Variants in NPFFR1 observed in about 807,000 individuals in gnomAD.
The protein encoded by NPFFR1 is G-protein coupled receptor 147.
Under a neutral mutation model 12.7 loss-of-function variants are expected in NPFFR1, and 17 were observed. The ratio of observed to expected loss-of-function variants is 1.34; its 90% CI spans 0.92 to 2.01. The LOEUF (loss-of-function observed/expected upper bound fraction) is 2.01. NPFFR1 is among the 30% of genes most tolerant of loss of function. NPFFR1 has a pLI of 0.00. For missense variants in NPFFR1, 604 were observed against 606.5 expected, an observed-to-expected ratio of 1.00 and a Z score of 0.04; for synonymous variants, 296 against 264.5, an observed-to-expected ratio of 1.12 and a Z score of -1.16.
At chr10:70,272,716 A>G (rs1840763199) in intron 1 of NPFFR1, among the ~76,000 whole-genome samples, 1 of 152,162 alleles carries the variant, frequency 6.6e-6, no homozygotes, top group Non-Finnish European at 1.5e-5. Context: ...GGAGGGGTGC[A>G]GGGTGAGGGG....
At position 70,250,050 on chromosome 10, in the gene NPFFR1, A is replaced by G. The variant is rs1010308460; in HGVS notation, c.*4907T>C. The G allele has an allele frequency of 2.6e-5, 4 of 151,882 alleles. No individual in the cohort carries two copies. The highest frequency in any genetic ancestry group is 6.6e-5 in the Admixed American group (1 of 15,222). The allele number at this position is 151,882 out of a possible 1,614,324, so 9.4% of individuals were successfully genotyped here. The stretch of plus-strand genomic sequence containing the variant: ...CTCAGCCTCCCAAGTAGCTGGGACT[A>G]CAGGTGTGTGCCACCATGCCTGGCT... On this transcript the variant is annotated 3_prime_UTR_variant, in exon 4 of 4. Transcript: ENST00000277942.
chr10:70,278,902 CA>C, intron 1 of NPFFR1, among the ~76,000 whole-genome samples: 1 of 152,292 alleles, frequency 6.6e-6, no homozygotes, highest in Admixed American at 6.5e-5. Context: ...GTCTTATGAA[CA>C]GTTGCTCCAA....
intron 2 of NPFFR1, among the ~76,000 whole-genome samples, chr10:70,264,932 G>A (rs1410265108): frequency 6.6e-6 from 1 of 152,248 alleles, no homozygotes; most frequent in African/African-American, 2.4e-5. Flanking sequence ...TTATATCACT[G>A]TTGACTGGTA....
At chr10:70,280,745 T>C (rs564075568) in intron 1 of NPFFR1, among the ~76,000 whole-genome samples, 2 of 152,324 alleles carry the variant, frequency 1.3e-5, no homozygotes, top group East Asian at 3.9e-4. Flanking sequence ...GGCTCACACC[T>C]GTAATCCCAG....
In NPFFR1 at chr10:70,250,912, T is replaced by C. The variant is rs963122170; in HGVS notation, c.*4045A>G. 6.6e-6 allele frequency: 1 copy of C among 152,230 alleles called. No homozygotes were observed. Among genetic ancestry groups the C allele is most frequent in the Non-Finnish European group, 1.5e-5 (1 of 68,038 alleles). 9.4% of individuals were successfully genotyped at this position (152,230 alleles called of 1,614,324 possible). A position where few individuals can be genotyped will look rare whatever the true frequency, so the allele number is the denominator to read the frequency against. On this transcript the variant is annotated 3_prime_UTR_variant, in exon 4 of 4. Transcript: ENST00000277942. The stretch of plus-strand genomic sequence containing the variant: ...AATGTTAAATATATTGAGAGATATA[T>C]GCACAGAAAAGGACGCTATACTTGT...
Position 70,260,780 on chromosome 10 carries a change from G to A in NPFFR1, c.323-41C>T, listed in dbSNP as rs185061769. On this transcript the variant is annotated intron_variant, in intron 2 of 3. Coordinates refer to ENST00000277942, the MANE Select transcript of NPFFR1 (RefSeq NM_022146.5). ...CCCCCACAGAGTGAGAGATGCCCAC[G>A]CATCAAGAGCCAGAGACTGAAAGCC... 1.6e-4 allele frequency: 236 copies of A among 1,515,536 alleles called. 2 individuals are homozygous for A. In the South Asian group the frequency reaches 2.5e-3, roughly 16 times the overall value. The allele number at this position is 1,515,536 out of a possible 1,614,324, so 93.9% of individuals were successfully genotyped here.
intron 2 of NPFFR1, among the ~76,000 whole-genome samples, chr10:70,265,661 G>T (rs959217141): frequency 6.6e-6 from 1 of 152,240 alleles, no homozygotes; most frequent in African/African-American, 2.4e-5. Context: ...CCGTGAGAGA[G>T]TGGGACTGAA....
intron 1 of NPFFR1, among the ~76,000 whole-genome samples, chr10:70,267,186 G>C (rs1286032793): frequency 1.3e-5 from 2 of 152,266 alleles, no homozygotes; most frequent in South Asian, 4.1e-4. Context: ...GAAGGCAGTA[G>C]AGAAAGGGAG....
intron 1 of NPFFR1, among the ~76,000 whole-genome samples, chr10:70,270,617 T>C (rs1406560879): frequency 6.6e-6 from 1 of 152,222 alleles, no homozygotes; most frequent in Non-Finnish European, 1.5e-5. Flanking sequence ...AGGGCCCAGA[T>C]TCCAGCACTG....
rs1356920645 is a variant in NPFFR1, at chr10:70,249,539, G to A, written c.*5418C>T. On this transcript the variant is annotated 3_prime_UTR_variant, in exon 4 of 4. Coordinates refer to ENST00000277942, the MANE Select transcript of NPFFR1 (RefSeq NM_022146.5). ...ACTCTGTCACCTAGGCTGGAGTGCA[G>A]TGGCGCCATCTTGGCTCACTGAAAC... 6.6e-6 allele frequency: 1 copy of A among 152,108 alleles called. No homozygotes were observed. The highest frequency in any genetic ancestry group is 2.4e-5 in the African/African-American group (1 of 41,498). 9.4% of individuals were successfully genotyped at this position (152,108 alleles called of 1,614,324 possible). A position where few individuals can be genotyped will look rare whatever the true frequency, so the allele number is the denominator to read the frequency against.
chr10:70,258,513 T>C lies in NPFFR1; in HGVS notation c.422+2127A>G, dbSNP rs536297349. Among the ~76,000 whole-genome samples the C allele has an allele frequency of 2.6e-5, 4 of 152,338 alleles. No individual in the cohort carries two copies. In the South Asian group the frequency reaches 8.3e-4, roughly 32 times the overall value. On this transcript the variant is annotated intron_variant, in intron 3 of 3. Coordinates refer to ENST00000277942, the MANE Select transcript of NPFFR1 (RefSeq NM_022146.5). ...CATGAATGACCAGAGGGGAAGTTACTCAAAATACTTTCTGAGCCTTAGTTT... is the reference window on the plus strand; with the variant it reads ...CATGAATGACCAGAGGGGAAGTTACCCAAAATACTTTCTGAGCCTTAGTTT...
At chr10:70,281,294 C>T (rs1166582969) in intron 1 of NPFFR1, among the ~76,000 whole-genome samples, 1 of 152,148 alleles carries the variant, frequency 6.6e-6, no homozygotes, top group Non-Finnish European at 1.5e-5. Flanking sequence ...AAGCAGCCAA[C>T]GCCACCTCTT....
chr10:70,272,211 G>GAAAGAAAGAAAGA (rs10664195), intron 1 of NPFFR1, among the ~76,000 whole-genome samples: 1 of 55,822 alleles, frequency 1.8e-5, no homozygotes, highest in Non-Finnish European at 3.4e-5. Context: ...AAGAAAGAAA[G>GAAAGAAAGAAAGA]GAAAGAAAGA....
chr10:70,255,949 C>G lies in NPFFR1; in HGVS notation c.423-122G>C. On this transcript the variant is annotated intron_variant, in intron 3 of 3. Transcript: ENST00000277942. The surrounding 1 kb of genome is among the most constrained non-coding windows in gnomAD (Gnocchi z 4.2). ...CATCTAGGGCGGCGTCGAAGAACAG[C>G]TCAGACCTGAATTGGCTGAGTAGTC... 9.4e-7 allele frequency: 1 copy of G among 1,062,586 alleles called. No homozygotes were observed. The allele number at this position is 1,062,586 out of a possible 1,614,324, so 65.8% of individuals were successfully genotyped here.
chr10:70,255,891 G>T lies in NPFFR1; in HGVS notation c.423-64C>A, dbSNP rs1840567010. 6 of 1,505,748 alleles carry T rather than the reference G, an allele frequency of 4.0e-6. No homozygotes were observed. Among genetic ancestry groups the T allele is most frequent in the South Asian group, 1.3e-5 (1 of 77,542 alleles). 93.3% of individuals were successfully genotyped at this position (1,505,748 alleles called of 1,614,324 possible). A position where few individuals can be genotyped will look rare whatever the true frequency, so the allele number is the denominator to read the frequency against. ...CCTAGGGCCCCTGCGAGGGGACGGTGGGTGGGATGCGGGCACCTGACCTTC... is the reference window on the plus strand; with the variant it reads ...CCTAGGGCCCCTGCGAGGGGACGGTTGGTGGGATGCGGGCACCTGACCTTC... On this transcript the variant is annotated intron_variant, in intron 3 of 3. Coordinates refer to ENST00000277942, the MANE Select transcript of NPFFR1 (RefSeq NM_022146.5). The surrounding 1 kb of genome is among the most constrained non-coding windows in gnomAD (Gnocchi z 4.2).
intron 3 of NPFFR1, among the ~76,000 whole-genome samples, chr10:70,256,828 G>A (rs539388003): frequency 5.9e-5 from 9 of 152,294 alleles, no homozygotes; most frequent in East Asian, 1.9e-4. Context: ...ACCAGTAGCT[G>A]TAAACCCTCC....
At chr10:70,276,089 T>C (rs1840801614) in intron 1 of NPFFR1, among the ~76,000 whole-genome samples, 1 of 152,206 alleles carries the variant, frequency 6.6e-6, no homozygotes, top group Admixed American at 6.5e-5. Flanking sequence ...TAGGGTCCAT[T>C]AGCAGCAATT....
At position 70,251,853 on chromosome 10, in the gene NPFFR1, C is replaced by T. The variant is rs1468852248; in HGVS notation, c.*3104G>A. The T allele has an allele frequency of 6.6e-6, 1 of 152,200 alleles. No individual in the cohort carries two copies. The highest frequency in any genetic ancestry group is 1.5e-5 in the Non-Finnish European group (1 of 68,044). The allele number at this position is 152,200 out of a possible 1,614,324, so 9.4% of individuals were successfully genotyped here. ...TTATAAAATAGCTTCATAAAAACAT[C>T]TTGTAGAGGAAACATACAATTTTCT... On this transcript the variant is annotated 3_prime_UTR_variant, in exon 4 of 4. Transcript: ENST00000277942.
rs1840507344 is a variant in NPFFR1, at chr10:70,251,183, G to C, written c.*3774C>G. 2 of 152,348 alleles carry C rather than the reference G, an allele frequency of 1.3e-5. No individual in the cohort carries two copies. The highest frequency in any genetic ancestry group is 3.9e-4 in the East Asian group (2 of 5,190). 9.4% of individuals were successfully genotyped at this position (152,348 alleles called of 1,614,324 possible). On this transcript the variant is annotated 3_prime_UTR_variant, in exon 4 of 4. Coordinates refer to ENST00000277942, the MANE Select transcript of NPFFR1 (RefSeq NM_022146.5). ...ATCTTTCATCAGTGACACTTCTGAG[G>C]GGTGAGCTGAGGAAACGGGTGCAAA...
Sources: allele counts gnomAD v4.1 joint callset (sites outside exome capture counted in the v4.1 genomes callset), GRCh38; gene constraint gnomAD v4.1.1; non-coding constraint Gnocchi (gnomAD v3.1); transcripts MANE v1.5; gene names NCBI Gene and HGNC (gene_info 2026-07-23, HGNC 2026-07-21).